The following CEP128 variants were observed in gnomAD, a reference collection of about 807,000 sequenced individuals.
CEP128 encodes centrosomal protein 128kDa.
Under a neutral mutation model 156.7 loss-of-function variants are expected in CEP128, and 132 were observed. The ratio of observed to expected loss-of-function variants is 0.84; its 90% confidence interval spans 0.73 to 0.97. CEP128 has a LOEUF of 0.97. Among genes scored for constraint, CEP128 ranks in the 50% least tolerant of loss-of-function variants. CEP128 has a pLI of 0.00. For missense variants in CEP128, 1,252 were observed against 1,281.9 expected, an observed-to-expected ratio of 0.98 and a Z score of 0.36; for synonymous variants, 469 against 448.9, an observed-to-expected ratio of 1.04 and a Z score of -0.57.
intron 19 of CEP128, among the ~76,000 whole-genome samples, chr14:80,664,694 A>T (rs1416297814): frequency 3.3e-5 from 5 of 152,206 alleles, no homozygotes; most frequent in African/African-American, 7.2e-5. Flanking sequence ...TGACTTCAGG[A>T]ATGAATGCTT....
chr14:80,955,493 G>A (rs1408961626), intron 2 of CEP128: 36 of 688,774 alleles, frequency 5.2e-5, no homozygotes, highest in Non-Finnish European at 7.8e-5. Context: ...GGGAAGCGGA[G>A]CACTTAAGTG....
intron 2 of CEP128, chr14:80,955,587 C>G: frequency 6.7e-7 from 1 of 1,501,880 alleles, no homozygotes; most frequent in Non-Finnish European, 9.2e-7. Context: ...CCCTCCCGCT[C>G]CCGGGTCTCC....
At chr14:80,900,661 T>C (rs1369897824) in intron 6 of CEP128, among the ~76,000 whole-genome samples, 1 of 152,166 alleles carries the variant, frequency 6.6e-6, no homozygotes, top group East Asian at 1.9e-4. Context: ...GGTATATTCC[T>C]CCACCGGAGT....
chr14:80,810,946 T>A (rs564318779), intron 13 of CEP128, among the ~76,000 whole-genome samples: 6 of 152,106 alleles, frequency 3.9e-5, no homozygotes, highest in African/African-American at 1.4e-4. Flanking sequence ...CCTCCCCTAA[T>A]GCCCCCCACA....
At chr14:80,740,762 A>G (rs1414846401) in intron 19 of CEP128, among the ~76,000 whole-genome samples, 1 of 152,174 alleles carries the variant, frequency 6.6e-6, no homozygotes, top group Admixed American at 6.5e-5. Context: ...TAACAAAGAA[A>G]CTTTGACAAT....
At chr14:80,618,502 A>G (rs1024694789) in intron 19 of CEP128, among the ~76,000 whole-genome samples, 1 of 152,260 alleles carries the variant, frequency 6.6e-6, no homozygotes, top group Non-Finnish European at 1.5e-5. Context: ...AGTTGAATTC[A>G]CAAGAAGAAA....
intron 20 of CEP128, among the ~76,000 whole-genome samples, chr14:80,571,913 G>A (rs1346905326): frequency 6.6e-6 from 1 of 152,188 alleles, no homozygotes; most frequent in Admixed American, 6.5e-5. Flanking sequence ...GGCTGAGGAA[G>A]TATGAGTCTC....
chr14:80,619,367 G>GACACACAGACAC (rs1555383070), intron 19 of CEP128, among the ~76,000 whole-genome samples: 5 of 139,374 alleles, frequency 3.6e-5, no homozygotes, highest in East Asian at 2.1e-4. Flanking sequence ...AAGACACACA[G>GACACACAGACAC]ACACACACAC....
chr14:80,518,705 A>G (rs1436837866), intron 23 of CEP128, among the ~76,000 whole-genome samples: 1 of 152,164 alleles, frequency 6.6e-6, no homozygotes, highest in African/African-American at 2.4e-5. Flanking sequence ...TTGTTGACTT[A>G]TTCATGATTC....
chr14:80,730,446 C>T (rs1014355947), intron 19 of CEP128, among the ~76,000 whole-genome samples: 2 of 152,208 alleles, frequency 1.3e-5, no homozygotes, highest in Non-Finnish European at 2.9e-5. Context: ...GTAAGGGCAA[C>T]TCCTGTACCA....
At chr14:80,570,512 T>G (rs1238222141) in intron 20 of CEP128, among the ~76,000 whole-genome samples, 1 of 152,112 alleles carries the variant, frequency 6.6e-6, no homozygotes, top group African/African-American at 2.4e-5. Flanking sequence ...TCAAAGACAT[T>G]AAGTGTGTTG....
At chr14:80,760,890 T>C (rs1899929595) in intron 17 of CEP128, among the ~76,000 whole-genome samples, 2 of 152,116 alleles carry the variant, frequency 1.3e-5, no homozygotes, top group African/African-American at 4.8e-5. Flanking sequence ...TAATTTAGGT[T>C]CCAGAGTTAG....
At chr14:80,947,442 A>T (rs776061374) in intron 2 of CEP128, among the ~76,000 whole-genome samples, 3 of 152,098 alleles carry the variant, frequency 2.0e-5, no homozygotes, top group Non-Finnish European at 4.4e-5. Context: ...CTCAGATAGG[A>T]CAGGATGTGT....
chr14:80,905,820 T>C, intron 5 of CEP128, 135 bp downstream of exon 5: 1 of 761,078 alleles, frequency 1.3e-6, no homozygotes. Context: ...TACTATAAAA[T>C]CCTTGACAAC....
At chr14:80,741,105 G>A (rs910561601) in intron 19 of CEP128, among the ~76,000 whole-genome samples, 2 of 151,962 alleles carry the variant, frequency 1.3e-5, no homozygotes, top group Non-Finnish European at 2.9e-5. Context: ...TGCCTGGAAA[G>A]CAAGATCAGT....
At chr14:80,638,261 C>T (rs953560750) in intron 19 of CEP128, among the ~76,000 whole-genome samples, 11 of 152,130 alleles carry the variant, frequency 7.2e-5, no homozygotes, top group African/African-American at 2.7e-4. Flanking sequence ...AAAGCATTCT[C>T]TGAATACTTT....
intron 2 of CEP128, among the ~76,000 whole-genome samples, chr14:80,931,494 T>A (rs930497967): frequency 1.3e-5 from 2 of 152,192 alleles, no homozygotes; most frequent in Non-Finnish European, 2.9e-5. Context: ...CATCATCTCT[T>A]ATACACAGAA....
At chr14:80,644,256 G>A (rs911978208) in intron 19 of CEP128, among the ~76,000 whole-genome samples, 6 of 152,146 alleles carry the variant, frequency 3.9e-5, no homozygotes, top group African/African-American at 7.2e-5. Flanking sequence ...AAACCACTCC[G>A]TTTGTGGCGC....
At chr14:80,763,303 C>A (rs2139694527) in intron 16 of CEP128, among the ~76,000 whole-genome samples, 1 of 152,188 alleles carries the variant, frequency 6.6e-6, no homozygotes, top group South Asian at 2.1e-4. Flanking sequence ...CTTGTTTTTC[C>A]ACATTGAGTT....
Sources: gnomAD v4.1 joint callset for allele counts (sites outside exome capture counted in the v4.1 genomes callset) on GRCh38, gnomAD v4.1.1 for gene constraint, MANE v1.5 for transcripts, NCBI Gene and HGNC (gene_info 2026-07-23, HGNC 2026-07-21) for gene names.